Variants in CPAP observed in about 807,000 individuals in gnomAD.
CPAP encodes the protein centrosome assembly and centriole elongation protein.
chr13:24,893,534 G>A, the CPAP span, among the ~76,000 whole-genome samples: 3 of 152,254 alleles, frequency 2.0e-5, no homozygotes, highest in African/African-American at 7.2e-5. Flanking sequence ...CAGCCACACG[G>A]CAGCCTGGTG....
the CPAP span, among the ~76,000 whole-genome samples, chr13:24,908,588 G>C: frequency 7.7e-6 from 1 of 129,266 alleles, no homozygotes; most frequent in African/African-American, 3.0e-5. Flanking sequence ...GGAAGACCCT[G>C]TCTCAAAAAT....
At chr13:24,912,628 A>T in the CPAP span, 1 of 1,613,748 alleles carries the variant, frequency 6.2e-7, no homozygotes, top group Non-Finnish European at 8.5e-7. Flanking sequence ...CCCTTCTTTG[A>T]ATTCACTCGC....
the CPAP span, among the ~76,000 whole-genome samples, chr13:24,926,156 T>C: frequency 1.3e-5 from 2 of 152,132 alleles, no homozygotes; most frequent in Non-Finnish European, 2.9e-5. Flanking sequence ...CAGATCACGA[T>C]GGAACCCCCA....
At chr13:24,910,185 G>A in the CPAP span, 2 of 1,058,284 alleles carry the variant, frequency 1.9e-6, no homozygotes, top group Non-Finnish European at 2.9e-6. Flanking sequence ...TCTCCACAGT[G>A]ACAACAGTAT....
the CPAP span, among the ~76,000 whole-genome samples, chr13:24,898,610 G>A: frequency 2.0e-5 from 3 of 152,026 alleles, no homozygotes; most frequent in African/African-American, 7.2e-5. Flanking sequence ...ATAATGGTAC[G>A]TTTCTTCCCA....
chr13:24,895,165 C>T, the CPAP span, among the ~76,000 whole-genome samples: 1 of 152,252 alleles, frequency 6.6e-6, no homozygotes, highest in Non-Finnish European at 1.5e-5. Context: ...GGGGACTCCG[C>T]ACCTGCGGAA....
At chr13:24,902,686 C>T in the CPAP span, among the ~76,000 whole-genome samples, 2 of 152,154 alleles carry the variant, frequency 1.3e-5, no homozygotes, top group South Asian at 4.1e-4. Context: ...AACAATCAGT[C>T]CCTCCACCAA....
the CPAP span, among the ~76,000 whole-genome samples, chr13:24,893,357 A>C: frequency 6.6e-6 from 1 of 152,282 alleles, no homozygotes; most frequent in East Asian, 1.9e-4. Flanking sequence ...GACTAAAATA[A>C]GGGAAGAATA....
At chr13:24,908,581 A>T in the CPAP span, among the ~76,000 whole-genome samples, 2 of 147,002 alleles carry the variant, frequency 1.4e-5, no homozygotes, top group Non-Finnish European at 3.0e-5. Flanking sequence ...TGACAGAGGA[A>T]GACCCTGTCT....
the CPAP span, chr13:24,906,523 C>T: frequency 6.2e-7 from 1 of 1,614,210 alleles, no homozygotes; most frequent in East Asian, 2.2e-5. Flanking sequence ...GTTTTGGACA[C>T]TCAGTTACAT....
chr13:24,884,592 AT>A, the CPAP span: 1 of 897,606 alleles, frequency 1.1e-6, no homozygotes, highest in African/African-American at 1.7e-5. Flanking sequence ...AAGATCCTTT[AT>A]TTCGTGAGGA....
chr13:24,915,529 C>T, the CPAP span, among the ~76,000 whole-genome samples: 29 of 152,074 alleles, frequency 1.9e-4, no homozygotes, highest in Non-Finnish European at 3.8e-4. Flanking sequence ...GGCGGCTGGG[C>T]GCAGTGGCTC....
At chr13:24,883,210 C>CT in the CPAP span, 1 of 1,614,054 alleles carries the variant, frequency 6.2e-7, no homozygotes, top group Non-Finnish European at 8.5e-7. Context: ...CATTACCCTC[C>CT]TTGTCCTTAA....
At chr13:24,932,150 C>G in the CPAP span, among the ~76,000 whole-genome samples, 4 of 152,206 alleles carry the variant, frequency 2.6e-5, no homozygotes, top group Non-Finnish European at 5.9e-5. Context: ...GATCCCCAAA[C>G]TGACAAGGGA....
At chr13:24,911,536 A>T in the CPAP span, among the ~76,000 whole-genome samples, 1 of 151,834 alleles carries the variant, frequency 6.6e-6, no homozygotes, top group Non-Finnish European at 1.5e-5. Context: ...CTTTTCTTCT[A>T]TTGGACCTTT....
At chr13:24,884,436 G>T in the CPAP span, 2 of 1,613,934 alleles carry the variant, frequency 1.2e-6, no homozygotes, top group Non-Finnish European at 8.5e-7. Flanking sequence ...AGTATAACAC[G>T]GCACCCATTC....
At chr13:24,912,178 GT>G in the CPAP span, 1 of 1,064,596 alleles carries the variant, frequency 9.4e-7, no homozygotes, top group Non-Finnish European at 1.4e-6. Flanking sequence ...CTGGTAAGAA[GT>G]TTTAGACAGG....
the CPAP span, among the ~76,000 whole-genome samples, chr13:24,931,348 T>G: frequency 1.4e-5 from 2 of 144,276 alleles, no homozygotes; most frequent in Non-Finnish European, 3.0e-5. Flanking sequence ...TTGTTGAAGA[T>G]TGGACATTTT....
the CPAP span, among the ~76,000 whole-genome samples, chr13:24,915,920 T>C: frequency 6.6e-6 from 1 of 152,100 alleles, no homozygotes; most frequent in Non-Finnish European, 1.5e-5. Context: ...GTGAAACAGA[T>C]GAAGGGTAAG....
Sources: gnomAD v4.1 joint callset for allele counts (sites outside exome capture counted in the v4.1 genomes callset) on GRCh38, gnomAD v4.1.1 for gene constraint, MANE v1.5 for transcripts, NCBI Gene and HGNC (gene_info 2026-07-23, HGNC 2026-07-21) for gene names.